SYNE1: variants seen among roughly 807,000 people sequenced by gnomAD.
SYNE1 encodes the protein spectrin repeat containing nuclear envelope protein 1.
Under a neutral mutation model 1,111.0 loss-of-function variants are expected in SYNE1, and 616 were observed. The observed-to-expected ratio is 0.55, with a 90% CI of 0.52 to 0.59. The LOEUF (loss-of-function observed/expected upper bound fraction) is 0.59, where lower values mean the gene tolerates loss of function less well. Ranked by LOEUF, SYNE1 falls within the 20% of genes least tolerant of loss-of-function variation. The pLI is 0.00. For synonymous variants in SYNE1, 3,855 were observed against 3,825.8 expected, an observed-to-expected ratio of 1.01 and a Z score of -0.28; for missense variants, 10,006 against 10,417.0, an observed-to-expected ratio of 0.96 and a Z score of 1.72.
intron 32 of SYNE1, among the ~76,000 whole-genome samples, chr6:152,438,848 T>C (rs745319930): frequency 2.0e-5 from 3 of 152,170 alleles, no homozygotes; most frequent in Non-Finnish European, 4.4e-5. Context: ...GATTCTAGAT[T>C]GGCAGTGAGC....
chr6:152,255,858 T>C lies in SYNE1; in HGVS notation c.19105-112A>G, dbSNP rs893818630. The C allele has an allele frequency of 5.6e-6, 7 of 1,249,166 alleles. No individual in the cohort carries two copies. In the African/African-American group the frequency reaches 1.0e-4, roughly 18 times the overall value. The allele number at this position is 1,249,166 out of a possible 1,614,324, so 77.4% of individuals were successfully genotyped here. A position where few individuals can be genotyped will look rare whatever the true frequency, so the allele number is the denominator to read the frequency against. On this transcript the variant is annotated intron_variant, in intron 102 of 145. Coordinates refer to ENST00000367255, the MANE Select transcript of SYNE1 (RefSeq NM_182961.4). ...CACACCTGTAATCTGAGCACTTTGG[T>C]AGCCCAAAGCAGACAGATCACTTGA... is the stretch of plus-strand genomic sequence containing the variant.
chr6:152,255,142 C>T (rs2090499829), intron 103 of SYNE1, 53 bp from the exon 104 acceptor site: 6 of 1,423,686 alleles, frequency 4.2e-6, no homozygotes, highest in Non-Finnish European at 5.8e-6. Context: ...AATTGATATG[C>T]AAATCATGTT....
intron 116 of SYNE1, among the ~76,000 whole-genome samples, 157 bp downstream of exon 116, chr6:152,225,562 TAA>T (rs1371310884): frequency 1.4e-5 from 2 of 142,958 alleles, no homozygotes. Context: ...AACTAGACTT[TAA>T]AAAAAAAAAA....
chr6:152,314,706 T>C (rs1481079638), intron 87 of SYNE1, among the ~76,000 whole-genome samples: 1 of 152,026 alleles, frequency 6.6e-6, no homozygotes, highest in Admixed American at 6.5e-5. Context: ...TTCCCAGAAT[T>C]TGGGGATGCC....
chr6:152,284,281 T>C, intron 95 of SYNE1, 109 bp from the exon 96 acceptor site: 1 of 1,129,182 alleles, frequency 8.9e-7, no homozygotes, highest in Non-Finnish European at 1.3e-6. Context: ...AGATTTCACC[T>C]GGGAATCATT....
chr6:152,607,774 A>G (rs3117744), intron 3 of SYNE1, among the ~76,000 whole-genome samples: 124,466 of 152,230 alleles, frequency 0.82, 51,339 homozygotes, highest in African/African-American at 0.92. Context: ...CAAAGACATA[A>G]AACCAACCCA....
At chr6:152,569,043 C>A (rs1037347170) in intron 3 of SYNE1, among the ~76,000 whole-genome samples, 17 of 152,108 alleles carry the variant, frequency 1.1e-4, no homozygotes, top group African/African-American at 3.9e-4. Flanking sequence ...TGAATTAGTT[C>A]TTTATTGCTC....
At chr6:152,430,074 A>C in intron 36 of SYNE1, 38 bp downstream of exon 36, 1 of 1,400,880 alleles carries the variant, frequency 7.1e-7, no homozygotes, top group Non-Finnish European at 1.0e-6. Context: ...TCAAATTTTA[A>C]GTTGGTAAAT....
chr6:152,337,358 C>T lies in SYNE1; in HGVS notation c.12352-341G>A, dbSNP rs1036249086. Among the ~76,000 whole-genome samples the T allele has an allele frequency of 4.6e-5, 7 of 151,754 alleles. No individual in the cohort carries two copies. The East Asian group carries it at 7.8e-4, about 17-fold the overall frequency. On this transcript the variant is annotated intron_variant, in intron 75 of 145. Transcript: ENST00000367255. The stretch of plus-strand genomic sequence containing the variant: ...AGGCTGGAGTGCAATGGCACGATCT[C>T]GGCTCACAGCAATCTCTGCCTCCCG...
At chr6:152,559,276 T>G (rs2099386747) in intron 3 of SYNE1, among the ~76,000 whole-genome samples, 1 of 152,004 alleles carries the variant, frequency 6.6e-6, no homozygotes, top group African/African-American at 2.4e-5. Flanking sequence ...GTTTTAAAAT[T>G]TTTTTGTAGA....
At chr6:152,257,178 G>A (rs1391167313) in intron 101 of SYNE1, among the ~76,000 whole-genome samples, 1 of 152,106 alleles carries the variant, frequency 6.6e-6, no homozygotes, top group Non-Finnish European at 1.5e-5. Flanking sequence ...ATTACACACT[G>A]TATACATGTA....
chr6:152,180,381 A>C, intron 128 of SYNE1, 87 bp from the exon 129 acceptor site: 1 of 1,285,526 alleles, frequency 7.8e-7, no homozygotes, highest in Non-Finnish European at 1.1e-6. Context: ...AACTAGGACT[A>C]AAATGAATGA....
Position 152,436,112 on chromosome 6 carries a change from T to C in SYNE1, c.4150-11A>G. On this transcript the variant is annotated splice_polypyrimidine_tract_variant and intron_variant, in intron 32 of 145. Transcript: ENST00000367255. ...CCGTTTAGAAAACTCCTAGAAAAAA[T>C]ATTATGATCATTAGGTAGGCACTTT... 6.2e-7 allele frequency: 1 copy of C among 1,613,390 alleles called. No homozygotes were observed. The highest frequency in any genetic ancestry group is 8.5e-7 in the Non-Finnish European group (1 of 1,179,876).
intron 140 of SYNE1, among the ~76,000 whole-genome samples, chr6:152,137,312 T>C (rs2057321148): frequency 6.6e-6 from 1 of 152,172 alleles, no homozygotes; most frequent in East Asian, 1.9e-4. Flanking sequence ...GTCCACACTC[T>C]GTACAGAGGT....
At chr6:152,618,628 G>A (rs958242596) in intron 3 of SYNE1, among the ~76,000 whole-genome samples, 1 of 152,052 alleles carries the variant, frequency 6.6e-6, no homozygotes, top group Non-Finnish European at 1.5e-5. Flanking sequence ...GCAGAGGAAG[G>A]AATTGTTTGT....
At chr6:152,545,537 G>A (rs1000589276) in intron 3 of SYNE1, among the ~76,000 whole-genome samples, 10 of 152,140 alleles carry the variant, frequency 6.6e-5, no homozygotes, top group Admixed American at 3.9e-4. Flanking sequence ...CAGAGATCAC[G>A]CCACTGCACT....
Position 152,455,951 on chromosome 6 carries a change from C to T in SYNE1, c.2662G>A (p.Val888Met), listed in dbSNP as rs756888254. 21 of 1,614,006 alleles carry T rather than the reference C, an allele frequency of 1.3e-5. No homozygotes were observed. The highest frequency in any genetic ancestry group is 4.0e-5 in the African/African-American group (3 of 74,950). ...CTCGTCTGATCAAAATGCTTTAACA[C>T]GTTGCTCAAGGTCACAAACTTTTGA... The part of the protein sequence containing the change: ...SVQKFVTLSN[V>M]LKHFDQTRLQ... Residue 888 changes from valine to methionine, a missense_variant, in exon 23 of 146, where the codon GTG (valine) becomes ATG (methionine). Around this residue, in one of 7 missense-constraint regions of SYNE1, gnomAD observed 1,971 missense variants for 2,084.1 expected, o/e 0.95. Coordinates refer to ENST00000367255, the MANE Select transcript of SYNE1 (RefSeq NM_182961.4).
chr6:152,588,500 T>C (rs930376835), intron 3 of SYNE1, among the ~76,000 whole-genome samples: 1 of 151,838 alleles, frequency 6.6e-6, no homozygotes, highest in Admixed American at 6.6e-5. Flanking sequence ...CCAATGAGAG[T>C]CCTGATCAGT....
chr6:152,350,258 C>T lies in SYNE1; in HGVS notation c.11811G>A (p.Trp3937Ter), dbSNP rs2096717967. The change falls in exon 72 of 146, where the codon TGG becomes TGA. Residue 3937 changes from tryptophan to a stop codon, truncating the protein, a stop_gained. Transcript: ENST00000367255. LOFTEE classifies it high-confidence loss of function. ...CCAGTCTGCCAGACATCTGCAGCAGCCACTTTTCGACCTCTTGGAGCTCAC... is the reference window on the plus strand; with the variant it reads ...CCAGTCTGCCAGACATCTGCAGCAGTCACTTTTCGACCTCTTGGAGCTCAC... ...YNSELQEVEK[W>*]LLQMSGRLVA... The T allele has an allele frequency of 1.2e-6, 2 of 1,614,156 alleles. No homozygotes were observed. The highest frequency in any genetic ancestry group is 8.5e-7 in the Non-Finnish European group (1 of 1,180,030).
Sources: gnomAD v4.1 joint callset for allele counts (sites outside exome capture counted in the v4.1 genomes callset) on GRCh38, gnomAD v4.1.1 for gene constraint, gnomAD v4.1.1 regional missense constraint, MANE v1.5 for transcripts, NCBI Gene and HGNC (gene_info 2026-07-23, HGNC 2026-07-21) for gene names.